The following FRAS1 variants were observed in gnomAD, a reference collection of about 807,000 sequenced individuals.
The protein encoded by FRAS1 is extracellular matrix organizing protein FRAS1.
FRAS1 carries 290 observed loss-of-function variants against 435.2 expected under a neutral mutation model. The observed-to-expected ratio is 0.67, with a 90% CI of 0.61 to 0.73. The LOEUF is 0.73. Ranked by LOEUF, FRAS1 falls within the 30% of genes least tolerant of loss-of-function variation. The pLI, the probability that FRAS1 is intolerant of heterozygous loss-of-function variation, is 0.00. For missense variants in FRAS1, 4,860 were observed against 5,001.5 expected (o/e 0.97, Z 0.85); for synonymous variants, 1,800 against 1,851.0 (o/e 0.97, Z 0.71).
chr4:78,252,355 A>G, intron 4 of FRAS1, 37 bp from the exon 5 acceptor site: 2 of 1,575,758 alleles, frequency 1.3e-6, no homozygotes, highest in South Asian at 1.2e-5. Context: ...GTGTTTTGGC[A>G]CTAACCTTTT....
At chr4:78,181,160 G>A in intron 2 of FRAS1, 1 of 1,592,372 alleles carries the variant, frequency 6.3e-7, no homozygotes, top group Non-Finnish European at 8.6e-7. Context: ...ACCTTCATTT[G>A]GTTTTCAGAT....
chr4:78,259,743 T>G (rs1472802398), intron 6 of FRAS1, among the ~76,000 whole-genome samples: 1 of 143,926 alleles, frequency 6.9e-6, no homozygotes, highest in Non-Finnish European at 1.5e-5. Context: ...TGGCTTTTGT[T>G]GCCGTTGCTT....
chr4:78,312,879 G>GAGAGAGAGAGAGAGAGAGAGAGAA (rs143465313), intron 15 of FRAS1, among the ~76,000 whole-genome samples: 49 of 129,102 alleles, frequency 3.8e-4, no homozygotes, highest in Non-Finnish European at 6.3e-4. Flanking sequence ...GAGAGAGAGA[G>GAGAGAGAGAGAGAGAGAGAGAGAA]AGAAAGAAAG....
chr4:78,487,411 C>T (rs926568384), intron 58 of FRAS1, among the ~76,000 whole-genome samples: 1 of 152,130 alleles, frequency 6.6e-6, no homozygotes, highest in Admixed American at 6.6e-5. Context: ...TCCCCCACGT[C>T]CCCCAATCCC....
Position 78,466,287 on chromosome 4 carries a change from A to G in FRAS1, c.7109A>G (p.His2370Arg), listed in dbSNP as rs1329586738. 6 of 1,613,598 alleles carry G rather than the reference A, an allele frequency of 3.7e-6. No homozygotes were observed. The highest frequency in any genetic ancestry group is 1.3e-5 in the African/African-American group (1 of 74,858). Residue 2370 changes from histidine (H) to arginine (R), a missense_variant, in exon 50 of 74, where the codon CAC becomes CGC. By Grantham distance (29) the His-to-Arg change is conservative. Transcript: ENST00000512123. ...CGAACCAGCAATGGGCAGCATTTCC[A>G]CCTCACCTCCACCTTCACCATGAAA... ...IERTSNGQHF[H>R]LTSTFTMKDI...
intron 53 of FRAS1, among the ~76,000 whole-genome samples, chr4:78,474,953 CT>C (rs1719813655): frequency 6.6e-6 from 1 of 152,194 alleles, no homozygotes; most frequent in Non-Finnish European, 1.5e-5. Context: ...GTTATGTAGG[CT>C]TACCTCACAT....
intron 26 of FRAS1, among the ~76,000 whole-genome samples, chr4:78,377,183 A>G (rs1022507901): frequency 2.0e-5 from 3 of 152,168 alleles, no homozygotes; most frequent in African/African-American, 4.8e-5. Context: ...GGCTTTTGAG[A>G]GTCGTTCGTC....
At chr4:78,128,121 A>G (rs1290841646) in intron 2 of FRAS1, among the ~76,000 whole-genome samples, 1 of 152,018 alleles carries the variant, frequency 6.6e-6, no homozygotes, top group Non-Finnish European at 1.5e-5. Context: ...CGTGGTGTAT[A>G]TGTGCCACAT....
At chr4:78,100,200 A>T (rs552237814) in intron 2 of FRAS1, among the ~76,000 whole-genome samples, 1 of 152,348 alleles carries the variant, frequency 6.6e-6, no homozygotes, top group East Asian at 1.9e-4. Context: ...GGAATCAGAC[A>T]TAGTCACTCT....
rs113998907 is a variant in FRAS1 at position 78,514,098 on chromosome 4, T to C, written c.10174+546T>C. On this transcript the variant is annotated intron_variant, in intron 65 of 73. Coordinates refer to ENST00000512123, the MANE Select transcript of FRAS1 (RefSeq NM_025074.7). ...AAACAGGATTGGGCAGAGGGAGAAG[T>C]CAAGCTGCAATGCAGGCTGAAAAAG... is the stretch of plus-strand genomic sequence containing the variant. 2.8e-3 allele frequency among the ~76,000 whole-genome samples: 421 copies of C among 152,306 alleles called. 3 individuals carry two copies. The highest frequency in any genetic ancestry group is 9.4e-3 in the African/African-American group (391 of 41,558).
At chr4:78,280,148 C>T (rs1431772757) in intron 10 of FRAS1, among the ~76,000 whole-genome samples, 7 of 152,212 alleles carry the variant, frequency 4.6e-5, no homozygotes, top group Non-Finnish European at 1.0e-4. Context: ...CAAGAACTTT[C>T]ATCTCTTCAC....
At chr4:78,159,558 A>C (rs1258726616) in intron 2 of FRAS1, among the ~76,000 whole-genome samples, 2 of 152,186 alleles carry the variant, frequency 1.3e-5, no homozygotes, top group African/African-American at 4.8e-5. Context: ...TAATGATTCC[A>C]AAAGCTTGAT....
chr4:78,402,132 A>T (rs2110346846), intron 30 of FRAS1, among the ~76,000 whole-genome samples: 1 of 150,336 alleles, frequency 6.7e-6, no homozygotes, highest in African/African-American at 2.5e-5. Flanking sequence ...AAAACTGTGG[A>T]AATAGCAACA....
At chr4:78,378,301 C>T (rs546405149) in intron 26 of FRAS1, among the ~76,000 whole-genome samples, 6 of 152,218 alleles carry the variant, frequency 3.9e-5, no homozygotes, top group African/African-American at 1.4e-4. Flanking sequence ...TTGTGACATA[C>T]CACATTTTAT....
chr4:78,239,500 G>T (rs1356340091), intron 3 of FRAS1, among the ~76,000 whole-genome samples: 1 of 152,072 alleles, frequency 6.6e-6, no homozygotes, highest in Admixed American at 6.6e-5. Context: ...TAGCCACAGT[G>T]ATCCTAATAT....
At chr4:78,516,620 A>G (rs183570904) in intron 66 of FRAS1, among the ~76,000 whole-genome samples, 120 of 152,378 alleles carry the variant, frequency 7.9e-4, no homozygotes, top group Admixed American at 7.7e-3. Context: ...TAAAGAAAAG[A>G]GGTTTAATTG....
intron 20 of FRAS1, among the ~76,000 whole-genome samples, chr4:78,346,805 C>T (rs1730619382): frequency 6.6e-6 from 1 of 152,122 alleles, no homozygotes; most frequent in Non-Finnish European, 1.5e-5. Context: ...CTGGGGAGCT[C>T]CTCCCCCAGT....
rs762597579 is a variant in FRAS1 at position 78,278,730 on chromosome 4, GA to G, written c.1060del (p.Thr354LeufsTer36). On this transcript the variant is annotated frameshift_variant, in exon 10 of 74. Transcript: ENST00000512123. LOFTEE classifies it high-confidence loss of function. ...ISRNGYCVYE[E>X]TGEFMSSNAS... is the part of the protein sequence containing the mutation. ...AAGGAATGGTTATTGTGTTTATGAA[GA>G]AACTGGAGAATTTGTGAGTATCAGG... The G allele has an allele frequency of 6.3e-7, 1 of 1,589,514 alleles. No homozygotes were observed. The highest frequency in any genetic ancestry group is 8.6e-7 in the Non-Finnish European group (1 of 1,159,204).
intron 29 of FRAS1, among the ~76,000 whole-genome samples, chr4:78,398,016 G>A (rs891029937): frequency 1.3e-5 from 2 of 151,994 alleles, no homozygotes; most frequent in Non-Finnish European, 2.9e-5. Context: ...CTAGACCCCA[G>A]GCTTCTGTGA....
Sources: gnomAD v4.1 joint callset for allele counts (sites outside exome capture counted in the v4.1 genomes callset) on GRCh38, gnomAD v4.1.1 for gene constraint, MANE v1.5 for transcripts, NCBI Gene and HGNC (gene_info 2026-07-23, HGNC 2026-07-21) for gene names.